Variants in MAF observed in about 807,000 individuals in gnomAD.
MAF encodes the protein transcription factor Maf.
A neutral mutation model predicts 22.0 loss-of-function variants in MAF; 10 were observed. That is an observed-to-expected ratio of 0.45 (90% CI 0.28 to 0.77). MAF has a LOEUF of 0.77. Ranked by LOEUF, MAF falls within the 30% of genes least tolerant of loss-of-function variation. The pLI is 0.12. For synonymous variants in MAF, 337 were observed against 255.8 expected (o/e 1.32, Z -3.03); for missense variants, 544 against 548.4 (o/e 0.99, Z 0.08).
chr16:79,508,808 A>G, the MAF span, among the ~76,000 whole-genome samples: 1 of 152,210 alleles, frequency 6.6e-6, no homozygotes, highest in Non-Finnish European at 1.5e-5. Context: ...AAATGTCGAG[A>G]AGAGGCAAAT....
the MAF span, among the ~76,000 whole-genome samples, chr16:79,450,659 G>A: frequency 1.3e-5 from 2 of 152,140 alleles, no homozygotes; most frequent in South Asian, 2.1e-4. Context: ...CTATTATTTT[G>A]TCTGACTGTT....
the MAF span, among the ~76,000 whole-genome samples, chr16:79,520,730 A>G: frequency 1.3e-5 from 2 of 152,202 alleles, no homozygotes; most frequent in Admixed American, 1.3e-4. Context: ...CTTGGGCCAC[A>G]TTAGTCTACC....
chr16:79,333,706 T>C, the MAF span, among the ~76,000 whole-genome samples: 1 of 152,230 alleles, frequency 6.6e-6, no homozygotes, highest in South Asian at 2.1e-4. Context: ...TCTAGTGATA[T>C]CACCACACGC....
the MAF span, among the ~76,000 whole-genome samples, chr16:79,291,106 TGCTTGTGGAAGCCCC>T: frequency 2.6e-4 from 40 of 152,306 alleles, no homozygotes; most frequent in Non-Finnish European, 4.4e-4. Context: ...ACAGAAGCCC[TGCTTGTGGAAGCCCC>T]GCTTGTGGAA....
At chr16:79,392,200 G>C in the MAF span, among the ~76,000 whole-genome samples, 1 of 147,972 alleles carries the variant, frequency 6.8e-6, no homozygotes, top group Non-Finnish European at 1.5e-5. Context: ...GGAGAGACAA[G>C]AAGAGAGAGG....
chr16:79,520,717 G>C, the MAF span, among the ~76,000 whole-genome samples: 1 of 152,160 alleles, frequency 6.6e-6, no homozygotes, highest in Non-Finnish European at 1.5e-5. Context: ...GTGCTTGGGT[G>C]GTCTTGGGCC....
At chr16:79,358,525 A>T in the MAF span, among the ~76,000 whole-genome samples, 2 of 152,180 alleles carry the variant, frequency 1.3e-5, no homozygotes, top group Non-Finnish European at 2.9e-5. Flanking sequence ...CTCCCGGGGC[A>T]GGGTAGATAG....
chr16:79,340,771 T>C, the MAF span, among the ~76,000 whole-genome samples: 1 of 152,112 alleles, frequency 6.6e-6, no homozygotes, highest in Non-Finnish European at 1.5e-5. Flanking sequence ...TCCTGAGTTG[T>C]GATGACTAAA....
At chr16:79,282,430 G>T in the MAF span, among the ~76,000 whole-genome samples, 12 of 152,134 alleles carry the variant, frequency 7.9e-5, no homozygotes, top group Non-Finnish European at 1.3e-4. Flanking sequence ...GGGCACTAGG[G>T]TATCCCTCCT....
chr16:79,479,987 A>T, the MAF span, among the ~76,000 whole-genome samples: 1 of 152,186 alleles, frequency 6.6e-6, no homozygotes. Context: ...GCTGCTGGTG[A>T]AAAAGGATAC....
At chr16:79,265,163 A>T in the MAF span, among the ~76,000 whole-genome samples, 2 of 152,202 alleles carry the variant, frequency 1.3e-5, no homozygotes, top group Non-Finnish European at 2.9e-5. Flanking sequence ...TATTATTATT[A>T]TTCAAGATCC....
At chr16:79,267,374 G>A in the MAF span, among the ~76,000 whole-genome samples, 1 of 152,190 alleles carries the variant, frequency 6.6e-6, no homozygotes, top group African/African-American at 2.4e-5. Context: ...AAGGAGGAGA[G>A]GAGATACACG....
the MAF span, among the ~76,000 whole-genome samples, chr16:79,465,734 C>T: frequency 3.3e-5 from 5 of 152,144 alleles, no homozygotes; most frequent in Non-Finnish European, 7.3e-5. Flanking sequence ...GGCTGCATTA[C>T]TTAATCTCTC....
At chr16:79,358,760 C>T in the MAF span, among the ~76,000 whole-genome samples, 1 of 152,194 alleles carries the variant, frequency 6.6e-6, no homozygotes, top group Non-Finnish European at 1.5e-5. Context: ...AACAAGTATG[C>T]CTCTCCAATG....
At chr16:79,447,891 C>CAAAAAAAAAAAAAAA in the MAF span, among the ~76,000 whole-genome samples, 35 of 72,552 alleles carry the variant, frequency 4.8e-4, 1 homozygote, top group African/African-American at 1.8e-3. Context: ...GATTCCATCT[C>CAAAAAAAAAAAAAAA]AAAAAAAAAA....
the MAF span, among the ~76,000 whole-genome samples, chr16:79,409,212 T>C: frequency 2.6e-5 from 4 of 152,060 alleles, no homozygotes; most frequent in East Asian, 3.8e-4. Flanking sequence ...CCACTTCAAA[T>C]AGAAAAAAAC....
the MAF span, among the ~76,000 whole-genome samples, chr16:79,513,932 C>G: frequency 2.6e-5 from 4 of 152,148 alleles, no homozygotes; most frequent in African/African-American, 9.7e-5. Context: ...AAAAGCACGA[C>G]AATAAATCCT....
At chr16:79,499,216 G>C in the MAF span, among the ~76,000 whole-genome samples, 1 of 151,044 alleles carries the variant, frequency 6.6e-6, no homozygotes, top group Non-Finnish European at 1.5e-5. Context: ...ACCCTCTTTT[G>C]TGGCTGGGCT....
At position 79,600,112 on chromosome 16, in the gene MAF, T is replaced by TC. The variant is rs1299630081; in HGVS notation, c.-211dup. 1.2e-5 allele frequency: 5 copies of TC among 422,838 alleles called. No individual in the cohort carries two copies. Among genetic ancestry groups the TC allele is most frequent in the Non-Finnish European group, 1.9e-5 (5 of 264,232 alleles). 26.2% of individuals were successfully genotyped at this position (422,838 alleles called of 1,614,324 possible). Reference sequence around the variant, plus strand: ...CCGCGCCCCCCGCGCCCGCCCTCCCTCCCCCCTGCTCACGCCAATGTGCTC... The same window carrying TC: ...CCGCGCCCCCCGCGCCCGCCCTCCCTCCCCCCCTGCTCACGCCAATGTGCTC... On this transcript the variant is annotated 5_prime_UTR_variant, in exon 1 of 2. Coordinates refer to ENST00000326043, the MANE Select transcript of MAF (RefSeq NM_005360.5).
Sources: gnomAD v4.1 joint callset for allele counts (sites outside exome capture counted in the v4.1 genomes callset) on GRCh38, gnomAD v4.1.1 for gene constraint, MANE v1.5 for transcripts, NCBI Gene and HGNC (gene_info 2026-07-23, HGNC 2026-07-21) for gene names.